The following CLDN18 variants were observed in gnomAD, a reference collection of about 807,000 sequenced individuals.
CLDN18 encodes the protein claudin 18, also known as claudin-18.
In CLDN18, 20 loss-of-function variants were observed where a neutral mutation model predicts 25.0. That is an observed-to-expected ratio of 0.80 (90% CI 0.56 to 1.16). The LOEUF is 1.16. Ranked by LOEUF, CLDN18 falls within the 50% of genes most tolerant of loss-of-function variation. CLDN18 has a pLI of 0.00. For missense variants in CLDN18, 297 were observed against 345.4 expected, an observed-to-expected ratio of 0.86 and a Z score of 1.11; for synonymous variants, 125 against 135.6, an observed-to-expected ratio of 0.92 and a Z score of 0.54.
chr3:138,014,273 G>A (rs1576408831), intron 1 of CLDN18, among the ~76,000 whole-genome samples: 1 of 152,166 alleles, frequency 6.6e-6, no homozygotes, highest in South Asian at 2.1e-4. Context: ...AGGGAAGCTG[G>A]AAGAAATGAC....
At chr3:137,998,980 A>C (rs1420925449) in exon 1 of CLDN18, 1 of 1,614,186 alleles carries the variant, frequency 6.2e-7, no homozygotes, top group South Asian at 1.1e-5. Context: ...CTTGTACAAC[A>C]ACCCCGTAAC....
At chr3:138,017,841 A>C (rs1339166843) in intron 1 of CLDN18, among the ~76,000 whole-genome samples, 2 of 152,254 alleles carry the variant, frequency 1.3e-5, no homozygotes, top group African/African-American at 4.8e-5. Context: ...CATATGAAGA[A>C]GACACCACAG....
In CLDN18 at chr3:138,000,748, G is replaced by C. The variant is rs149400027; in HGVS notation, c.220+1660G>C. Among the ~76,000 whole-genome samples, 101 of 152,348 alleles carry C rather than the reference G, an allele frequency of 6.6e-4. 1 individual carries two copies. In the East Asian group the frequency reaches 0.019, roughly 28 times the overall value. ...TGAGGTCTCCCTCCACTAAGGACCA[G>C]AAGGAAGATGAACCTCTTCCACGTT... On this transcript the variant is annotated intron_variant, in intron 1 of 4. Transcript: ENST00000343735.
chr3:138,008,513 G>A (rs1942093251), upstream of CLDN18, among the ~76,000 whole-genome samples: 1 of 152,126 alleles, frequency 6.6e-6, no homozygotes, highest in Non-Finnish European at 1.5e-5. Flanking sequence ...TGAGGCAGGA[G>A]AATCGCTTGA....
chr3:138,012,142 C>T (rs1215571456), intron 1 of CLDN18, among the ~76,000 whole-genome samples: 1 of 152,136 alleles, frequency 6.6e-6, no homozygotes. Flanking sequence ...TCTGTTGATC[C>T]TGATCATTGT....
chr3:138,029,953 G>C (rs1235004521), intron 4 of CLDN18, 46 bp downstream of exon 4: 1 of 1,232,712 alleles, frequency 8.1e-7, no homozygotes, highest in South Asian at 1.3e-5. Flanking sequence ...ATTTGTTCAG[G>C]GTCTATTTTA....
At position 138,029,051 on chromosome 3, in the gene CLDN18, T is replaced by G. The variant is rs140471216; in HGVS notation, c.504-746T>G. Reference sequence around the variant, plus strand: ...TCTGAAGGTAATAGCTCTACCTGCATGGAGGGTTGTAAGGATTATTTGAGA... The same window carrying G: ...TCTGAAGGTAATAGCTCTACCTGCAGGGAGGGTTGTAAGGATTATTTGAGA... On this transcript the variant is annotated intron_variant, in intron 3 of 4. Transcript: ENST00000183605. 5.2e-3 allele frequency among the ~76,000 whole-genome samples: 790 copies of G among 152,348 alleles called. 5 individuals are homozygous for G. Among genetic ancestry groups the G allele is most frequent in the Non-Finnish European group, 7.8e-3 (529 of 68,024 alleles).
In CLDN18 at chr3:138,032,683, A is replaced by T. The variant is rs1053767226; in HGVS notation, c.*1542A>T. On this transcript the variant is annotated 3_prime_UTR_variant, in exon 5 of 5. Transcript: ENST00000183605. ...GGCCTCAAACTCCTGCACTCAAGCA[A>T]TTCTTCTACCCTGGCCTCCCAAGTA... The T allele has an allele frequency of 6.6e-6, 1 of 152,104 alleles. No individual in the cohort carries two copies. The highest frequency in any genetic ancestry group is 1.5e-5 in the Non-Finnish European group (1 of 68,040). 9.4% of individuals were successfully genotyped at this position (152,104 alleles called of 1,614,324 possible).
chr3:138,026,903 GC>G (rs1354836480), intron 3 of CLDN18, among the ~76,000 whole-genome samples: 1 of 152,168 alleles, frequency 6.6e-6, no homozygotes, highest in Non-Finnish European at 1.5e-5. Flanking sequence ...AAAGAGCTGA[GC>G]TTTCATACCT....
Position 138,029,824 on chromosome 3 carries a change from G to A in CLDN18, c.531G>A (p.Val177=). The A allele has an allele frequency of 1.3e-6, 2 of 1,589,146 alleles. No individual in the cohort carries two copies. Among genetic ancestry groups the A allele is most frequent in the Non-Finnish European group, 8.6e-7 (1 of 1,168,862 alleles). The change falls in exon 4 of 5, where the codon GTG becomes GTA. Residue 177 remains valine (V), a synonymous_variant. Transcript: ENST00000183605. The stretch of plus-strand genomic sequence containing the variant: ...ACACATTTGGTGCGGCTCTGTTCGT[G>A]GGCTGGGTCGCTGGAGGCCTCACAC... ...TRYTFGAALF[V]GWVAGGLTLI...
chr3:138,021,048 G>A (rs762168685), intron 1 of CLDN18, among the ~76,000 whole-genome samples: 14 of 152,116 alleles, frequency 9.2e-5, no homozygotes, highest in Non-Finnish European at 1.8e-4. Context: ...CATAAAATGG[G>A]TGATAATTTT....
chr3:138,025,825 G>T (rs963429571), intron 3 of CLDN18, among the ~76,000 whole-genome samples: 1 of 152,110 alleles, frequency 6.6e-6, no homozygotes, highest in African/African-American at 2.4e-5. Context: ...ACTTAGAAAA[G>T]CCCACCTTTC....
chr3:138,010,032 T>G, upstream of CLDN18: 3 of 975,432 alleles, frequency 3.1e-6, no homozygotes, highest in Non-Finnish European at 2.9e-6. Context: ...CCCGCTTCTC[T>G]AACAAATGTA....
intron 1 of CLDN18, among the ~76,000 whole-genome samples, chr3:138,012,869 G>A (rs989379998): frequency 6.6e-6 from 1 of 152,168 alleles, no homozygotes; most frequent in African/African-American, 2.4e-5. Flanking sequence ...GGAAGAAAGT[G>A]GTTATTCAGT....
At chr3:138,007,398 A>G (rs918762971), upstream of CLDN18, among the ~76,000 whole-genome samples, 40 of 152,380 alleles carry the variant, frequency 2.6e-4, no homozygotes, top group Admixed American at 7.8e-4. Context: ...TTGCAGGAAC[A>G]TGGATGAAGC....
intron 1 of CLDN18, among the ~76,000 whole-genome samples, chr3:138,018,753 C>T (rs1377328856): frequency 6.6e-6 from 1 of 152,206 alleles, no homozygotes; most frequent in African/African-American, 2.4e-5. Context: ...GAGGGAAACA[C>T]ACATTCAAAT....
At chr3:138,016,641 A>C (rs1942207417) in intron 1 of CLDN18, among the ~76,000 whole-genome samples, 1 of 152,144 alleles carries the variant, frequency 6.6e-6, no homozygotes, top group African/African-American at 2.4e-5. Flanking sequence ...TAAATTTGGT[A>C]AAGTGGTAAG....
chr3:138,018,367 C>T (rs1419796126), intron 1 of CLDN18, among the ~76,000 whole-genome samples: 3 of 136,934 alleles, frequency 2.2e-5, no homozygotes, highest in Admixed American at 7.5e-5. Flanking sequence ...GACGGAGTCT[C>T]GCTCTGTCGC....
At chr3:138,030,642 G>A (rs1183715164) in intron 4 of CLDN18, among the ~76,000 whole-genome samples, 2 of 152,280 alleles carry the variant, frequency 1.3e-5, no homozygotes, top group Admixed American at 1.3e-4. Flanking sequence ...TTGAAAGAGG[G>A]AACTCATTAG....
Sources: allele counts gnomAD v4.1 joint callset (sites outside exome capture counted in the v4.1 genomes callset), GRCh38; gene constraint gnomAD v4.1.1; transcripts MANE v1.5; gene names NCBI Gene and HGNC (gene_info 2026-07-23, HGNC 2026-07-21).